SH3GL3: variants seen among roughly 807,000 people sequenced by gnomAD.
SH3GL3 encodes SH3 domain containing GRB2 like 3, endophilin A3.
In SH3GL3, 33 loss-of-function variants were observed where a neutral mutation model predicts 47.7. The ratio of observed to expected loss-of-function variants is 0.69; its 90% CI spans 0.52 to 0.92. SH3GL3 has a LOEUF of 0.92. Ranked by LOEUF, SH3GL3 falls within the 40% of genes least tolerant of loss-of-function variation. The pLI is 0.00. For missense variants in SH3GL3, 363 were observed against 417.8 expected (o/e 0.87, Z 1.14); for synonymous variants, 155 against 148.8 (o/e 1.04, Z -0.30).
intron 1 of SH3GL3, among the ~76,000 whole-genome samples, chr15:83,476,925 G>C (rs1167294479): frequency 6.6e-6 from 1 of 152,218 alleles, no homozygotes; most frequent in Non-Finnish European, 1.5e-5. Flanking sequence ...ATGCAGTTTG[G>C]TTGTGCATTT....
chr15:83,549,638 G>T (rs566939290), intron 1 of SH3GL3, among the ~76,000 whole-genome samples: 1 of 152,270 alleles, frequency 6.6e-6, no homozygotes, highest in Admixed American at 6.5e-5. Context: ...CTTTGTGCTG[G>T]TTTCTTATCA....
At chr15:83,565,314 A>G (rs758301475) in intron 3 of SH3GL3, 108 bp downstream of exon 3, 17 of 741,546 alleles carry the variant, frequency 2.3e-5, no homozygotes, top group African/African-American at 2.2e-4. Flanking sequence ...CTGTGTCCCA[A>G]TAATGAAATT....
chr15:83,602,397 G>A (rs967856738), intron 8 of SH3GL3, among the ~76,000 whole-genome samples: 3 of 152,126 alleles, frequency 2.0e-5, no homozygotes, highest in African/African-American at 7.2e-5. Flanking sequence ...TAAAATCAAG[G>A]TGCCAGCAGA....
intron 8 of SH3GL3, among the ~76,000 whole-genome samples, chr15:83,615,652 T>C (rs771378561): frequency 2.6e-5 from 4 of 152,188 alleles, no homozygotes; most frequent in Non-Finnish European, 4.4e-5. Flanking sequence ...TAAAATGATA[T>C]GGTACTGTTA....
At chr15:83,526,952 C>G (rs1050576815) in intron 1 of SH3GL3, among the ~76,000 whole-genome samples, 2 of 152,050 alleles carry the variant, frequency 1.3e-5, no homozygotes, top group Non-Finnish European at 2.9e-5. Flanking sequence ...TAAATGTATT[C>G]CTAGGTATTT....
rs796181229 is a variant in SH3GL3 at position 83,500,168 on chromosome 15, A to AT, written c.45+52592dup. Among the ~76,000 whole-genome samples, 112 of 152,222 alleles carry AT rather than the reference A, an allele frequency of 7.4e-4. 1 individual carries two copies. The highest frequency in any genetic ancestry group is 2.6e-3 in the African/African-American group (109 of 41,538). On this transcript the variant is annotated intron_variant, in intron 1 of 8. Transcript: ENST00000427482. ...AGTCAGTAACATGGAGCTTGACTTT[A>AT]TTGTGGTTCCCAGTATTTTATGGGG...
At chr15:83,593,579 G>A (rs2060160451) in intron 8 of SH3GL3, among the ~76,000 whole-genome samples, 1 of 151,960 alleles carries the variant, frequency 6.6e-6, no homozygotes, top group Non-Finnish European at 1.5e-5. Flanking sequence ...TTACATCTTA[G>A]GTCTAGTAGT....
At chr15:83,554,019 C>CTTTT (rs373240676) in intron 1 of SH3GL3, among the ~76,000 whole-genome samples, 1 of 129,444 alleles carries the variant, frequency 7.7e-6, no homozygotes, top group Non-Finnish European at 1.6e-5. Flanking sequence ...TTCTCTCGCT[C>CTTTT]TTTTTTTTTT....
At chr15:83,480,765 A>G (rs1014089498) in intron 1 of SH3GL3, among the ~76,000 whole-genome samples, 1 of 152,248 alleles carries the variant, frequency 6.6e-6, no homozygotes, top group African/African-American at 2.4e-5. Flanking sequence ...AGCTATTATA[A>G]GTAATCTGGA....
chr15:83,510,777 TG>T (rs1269871645), intron 1 of SH3GL3, among the ~76,000 whole-genome samples: 1 of 152,052 alleles, frequency 6.6e-6, no homozygotes, highest in Admixed American at 6.6e-5. Flanking sequence ...TTGAGCTTCC[TG>T]GCAGCCAAAG....
chr15:83,536,943 C>T (rs2043938789), intron 1 of SH3GL3, among the ~76,000 whole-genome samples: 1 of 152,100 alleles, frequency 6.6e-6, no homozygotes, highest in African/African-American at 2.4e-5. Context: ...CCTGGTTTTC[C>T]TAAAATTTCT....
intron 1 of SH3GL3, among the ~76,000 whole-genome samples, chr15:83,550,836 C>T (rs184965373): frequency 1.9e-3 from 284 of 152,262 alleles, no homozygotes; most frequent in African/African-American, 6.5e-3. Flanking sequence ...CCCTTAGGTA[C>T]ATCCCATGGA....
chr15:83,576,441 G>A, intron 5 of SH3GL3, 142 bp from the exon 6 acceptor site: 1 of 610,572 alleles, frequency 1.6e-6, no homozygotes, highest in Non-Finnish European at 2.8e-6. Context: ...GTGCTGAGGT[G>A]CTCCCAACAG....
Position 83,517,298 on chromosome 15 carries a change from A to G in SH3GL3, c.46-41955A>G, listed in dbSNP as rs922234643. 1.3e-4 allele frequency among the ~76,000 whole-genome samples: 20 copies of G among 148,372 alleles called. No individual in the cohort carries two copies. In the Admixed American group the frequency reaches 1.4e-3, roughly 10 times the overall value. On this transcript the variant is annotated intron_variant, in intron 1 of 8. Coordinates refer to ENST00000427482, the MANE Select transcript of SH3GL3 (RefSeq NM_003027.5). ...CTGCTCACTGCAAACTCCATCTCCC[A>G]GGTTCAAGCAGTTCTTCTGTCTCAG...
chr15:83,450,815 T>TTTTTTTTA (rs2039727518), intron 1 of SH3GL3, among the ~76,000 whole-genome samples: 1 of 141,884 alleles, frequency 7.0e-6, no homozygotes, highest in Non-Finnish European at 1.5e-5. Flanking sequence ...TTTTTTTTTT[T>TTTTTTTTA]CTATTATACT....
At chr15:83,600,128 C>T (rs2060342162) in intron 8 of SH3GL3, among the ~76,000 whole-genome samples, 3 of 152,262 alleles carry the variant, frequency 2.0e-5, no homozygotes, top group South Asian at 4.1e-4. Context: ...AAGATTTTCT[C>T]CCACTCTGTG....
chr15:83,554,069 G>C (rs914537170), intron 1 of SH3GL3, among the ~76,000 whole-genome samples: 4 of 148,416 alleles, frequency 2.7e-5, no homozygotes, highest in African/African-American at 1.0e-4. Context: ...ACTCAGGCTG[G>C]AGTGCGGTGG....
chr15:83,547,010 C>G (rs1261152150), intron 1 of SH3GL3, among the ~76,000 whole-genome samples: 1 of 152,170 alleles, frequency 6.6e-6, no homozygotes, highest in African/African-American at 2.4e-5. Context: ...GATGCAAGCA[C>G]TCCCTTGGCC....
chr15:83,587,146 C>T (rs886561688), intron 7 of SH3GL3, 60 bp downstream of exon 7: 1 of 867,388 alleles, frequency 1.2e-6, no homozygotes, highest in Admixed American at 2.2e-5. Flanking sequence ...TATTGAAATC[C>T]ATCTGTCTGT....
Sources: gnomAD v4.1 joint callset for allele counts (sites outside exome capture counted in the v4.1 genomes callset) on GRCh38, gnomAD v4.1.1 for gene constraint, MANE v1.5 for transcripts, NCBI Gene and HGNC (gene_info 2026-07-23, HGNC 2026-07-21) for gene names.